Variants in PPEF2 observed in about 807,000 individuals in gnomAD.
The protein encoded by PPEF2 is serine/threonine-protein phosphatase with EF-hands 2.
A neutral mutation model predicts 84.7 loss-of-function variants in PPEF2; 84 were observed. The observed-to-expected ratio is 0.99, with a 90% CI of 0.83 to 1.19. PPEF2 has a LOEUF of 1.19. Among genes scored for constraint, PPEF2 ranks in the 50% most tolerant of loss-of-function variants. The pLI, the probability that PPEF2 is intolerant of heterozygous loss-of-function variation, is 0.00. For synonymous variants in PPEF2, 346 were observed against 345.2 expected, an observed-to-expected ratio of 1.00 and a Z score of -0.03; for missense variants, 924 against 937.5, an observed-to-expected ratio of 0.99 and a Z score of 0.19.
intron 8 of PPEF2, 145 bp downstream of exon 8, chr4:75,884,449 A>T: frequency 7.3e-6 from 6 of 821,154 alleles, no homozygotes; most frequent in East Asian, 3.0e-5. Context: ...TTTTTTTTTG[A>T]ATGTTATATA....
intron 11 of PPEF2, among the ~76,000 whole-genome samples, chr4:75,876,057 ATCAC>A (rs1469052087): frequency 6.6e-6 from 1 of 152,226 alleles, no homozygotes; most frequent in East Asian, 1.9e-4. Context: ...CTAGTGCTCA[ATCAC>A]TAACCCAAGT....
chr4:75,874,229 C>T (rs1331529526), intron 11 of PPEF2, among the ~76,000 whole-genome samples: 1 of 152,104 alleles, frequency 6.6e-6, no homozygotes, highest in Non-Finnish European at 1.5e-5. Flanking sequence ...ACAATAACTG[C>T]CAGTCATACA....
At chr4:75,895,223 T>A (rs1378591583) in intron 2 of PPEF2, among the ~76,000 whole-genome samples, 1 of 144,794 alleles carries the variant, frequency 6.9e-6, no homozygotes, top group African/African-American at 2.6e-5. Context: ...AGGTCAGGAG[T>A]TCGAGACCAG....
In PPEF2 at chr4:75,867,391, TCA is replaced by T. The variant is rs1253722526; in HGVS notation, c.1676_1677del (p.Leu559GlnfsTer17). ...GCAAACAGCTTCTCCCTCAGAGCTC[TCA>T]GAGCCGACTCCTCCACTCTGCTAAT... ...QRISRVEESA[L>X]RALREKLFAH... On this transcript the variant is annotated frameshift_variant, in exon 14 of 17. Coordinates refer to ENST00000286719, the MANE Select transcript of PPEF2 (RefSeq NM_006239.3). LOFTEE classifies it high-confidence loss of function. The T allele has an allele frequency of 5.6e-6, 9 of 1,613,910 alleles. No individual in the cohort carries two copies. The African/African-American group carries it at 1.1e-4, about 19-fold the overall frequency.
At chr4:75,877,630 C>A (rs1724462000) in intron 10 of PPEF2, among the ~76,000 whole-genome samples, 1 of 151,780 alleles carries the variant, frequency 6.6e-6, no homozygotes, top group Non-Finnish European at 1.5e-5. Context: ...CAGTCAAGCA[C>A]ATGATCAGTG....
At chr4:75,877,262 G>A (rs556165911) in intron 10 of PPEF2, among the ~76,000 whole-genome samples, 7 of 151,798 alleles carry the variant, frequency 4.6e-5, no homozygotes, top group Admixed American at 3.3e-4. Flanking sequence ...GCTTGAACCC[G>A]GGAGGCGGAG....
At chr4:75,869,950 T>G (rs1724229509) in intron 13 of PPEF2, among the ~76,000 whole-genome samples, 1 of 152,208 alleles carries the variant, frequency 6.6e-6, no homozygotes, top group Non-Finnish European at 1.5e-5. Context: ...ATTTCCCTCC[T>G]TTTTTCTAAG....
intron 10 of PPEF2, among the ~76,000 whole-genome samples, chr4:75,877,594 T>C (rs111249044): frequency 0.023 from 3,456 of 152,030 alleles, 122 homozygotes; most frequent in African/African-American, 0.077. Flanking sequence ...CTGAGAAACA[T>C]TGACAGCAAT....
chr4:75,898,109 A>T (rs893617954), intron 1 of PPEF2, among the ~76,000 whole-genome samples: 1 of 152,258 alleles, frequency 6.6e-6, no homozygotes, highest in Non-Finnish European at 1.5e-5. Flanking sequence ...CATGTCCTTA[A>T]GGCACAGATC....
chr4:75,896,870 CACCTTTCTTT>C (rs1303479927), intron 1 of PPEF2, among the ~76,000 whole-genome samples: 2 of 151,420 alleles, frequency 1.3e-5, no homozygotes, highest in South Asian at 2.1e-4. Context: ...CCATAGGCCA[CACCTTTCTTT>C]CTTTCTTTCT....
At chr4:75,875,263 G>T (rs1354744631) in intron 11 of PPEF2, among the ~76,000 whole-genome samples, 1 of 152,034 alleles carries the variant, frequency 6.6e-6, no homozygotes, top group African/African-American at 2.4e-5. Context: ...GGTCAGAAAT[G>T]GTTGAATACC....
At chr4:75,869,209 T>C (rs1377828240) in intron 13 of PPEF2, among the ~76,000 whole-genome samples, 1 of 152,110 alleles carries the variant, frequency 6.6e-6, no homozygotes. Flanking sequence ...TCATGGAGAG[T>C]TATGCAGGGA....
At chr4:75,863,758 TA>T (rs551484416) in intron 16 of PPEF2, among the ~76,000 whole-genome samples, 111 of 151,832 alleles carry the variant, frequency 7.3e-4, no homozygotes, top group African/African-American at 1.9e-3. Context: ...AATTTAAAGT[TA>T]AAAAAAACAT....
At chr4:75,875,023 T>C (rs1284892463) in intron 11 of PPEF2, among the ~76,000 whole-genome samples, 2 of 151,192 alleles carry the variant, frequency 1.3e-5, no homozygotes, top group African/African-American at 4.9e-5. Flanking sequence ...TGCCTCAGCC[T>C]CCCGAATAGC....
intron 1 of PPEF2, among the ~76,000 whole-genome samples, chr4:75,896,981 TTCACGCCATTC>T (rs1725024818): frequency 6.6e-6 from 1 of 152,094 alleles, no homozygotes; most frequent in Non-Finnish European, 1.5e-5. Context: ...GCCTCCTGGG[TTCACGCCATTC>T]TCACCCCCTC....
chr4:75,898,921 G>A (rs144757364), intron 1 of PPEF2, among the ~76,000 whole-genome samples: 1 of 151,954 alleles, frequency 6.6e-6, no homozygotes, highest in Admixed American at 6.5e-5. Flanking sequence ...GTTAGATATA[G>A]TCATGGTACT....
At chr4:75,897,904 A>C (rs893659450) in intron 1 of PPEF2, among the ~76,000 whole-genome samples, 1 of 152,196 alleles carries the variant, frequency 6.6e-6, no homozygotes, top group African/African-American at 2.4e-5. Flanking sequence ...AGAGGTGCGA[A>C]GTGGGAAATC....
chr4:75,867,354 T>C lies in PPEF2; in HGVS notation c.1715A>G (p.Asp572Gly). The change falls in exon 14 of 17, where the codon GAT becomes GGT. Residue 572 changes from aspartate to glycine, a missense_variant. Transcript: ENST00000286719. ...LREKLFAHSS[D>G]LLSEFKKHDA... is the part of the protein sequence containing the mutation. The stretch of plus-strand genomic sequence containing the variant: ...ATGCTTCTTAAATTCACTGAGAAGA[T>C]CTGAAGAATGAGCAAACAGCTTCTC... 2 of 1,614,034 alleles carry C rather than the reference T, an allele frequency of 1.2e-6. No individual in the cohort carries two copies. Among genetic ancestry groups the C allele is most frequent in the African/African-American group, 1.3e-5 (1 of 75,036 alleles).
chr4:75,860,969 G>A, intron 16 of PPEF2, 49 bp from the exon 17 acceptor site: 1 of 1,588,702 alleles, frequency 6.3e-7, no homozygotes, highest in East Asian at 2.2e-5. Context: ...AGTTTTTAAT[G>A]TTCATTTTCT....
Sources: allele counts gnomAD v4.1 joint callset (sites outside exome capture counted in the v4.1 genomes callset), GRCh38; gene constraint gnomAD v4.1.1; transcripts MANE v1.5; gene names NCBI Gene and HGNC (gene_info 2026-07-23, HGNC 2026-07-21).